Variants in PCDH9 observed in about 807,000 individuals in gnomAD.
The protein encoded by PCDH9 is protocadherin-9.
Under a neutral mutation model 70.6 loss-of-function variants are expected in PCDH9, and 24 were observed. The ratio of observed to expected loss-of-function variants is 0.34; its 90% CI spans 0.25 to 0.48. The LOEUF (loss-of-function observed/expected upper bound fraction) is 0.48. Ranked by LOEUF, PCDH9 falls within the 20% of genes least tolerant of loss-of-function variation. The probability of loss-of-function intolerance (pLI) is 0.99; values close to 1 mark genes in which losing one functional copy is unlikely to be tolerated. For synonymous variants in PCDH9, 562 were observed against 558.5 expected, an observed-to-expected ratio of 1.01 and a Z score of -0.09; for missense variants, 1,281 against 1,503.6, an observed-to-expected ratio of 0.85 and a Z score of 2.45.
intron 4 of PCDH9, among the ~76,000 whole-genome samples, chr13:66,545,147 T>C (rs1041454454): frequency 1.3e-5 from 2 of 152,220 alleles, no homozygotes; most frequent in Admixed American, 6.5e-5. Context: ...TTTAATTTCC[T>C]TTATTTGATT....
At chr13:66,736,360 C>T (rs530248826) in intron 3 of PCDH9, among the ~76,000 whole-genome samples, 1 of 152,198 alleles carries the variant, frequency 6.6e-6, no homozygotes, top group South Asian at 2.1e-4. Context: ...CAAAGGGACA[C>T]CAGGTATGCA....
intron 2 of PCDH9, chr13:67,214,645 A>T (rs2089548330): frequency 6.6e-6 from 1 of 152,230 alleles, no homozygotes; most frequent in Middle Eastern, 3.4e-3. Context: ...AGGGATTAAG[A>T]TAAAAAACAA....
intron 3 of PCDH9, among the ~76,000 whole-genome samples, chr13:66,732,924 T>C (rs9540882): frequency 0.6 from 91,500 of 151,798 alleles, 28,651 homozygotes; most frequent in Non-Finnish European, 0.71. Context: ...AGCTTGGACA[T>C]ATATACACAC....
intron 2 of PCDH9, among the ~76,000 whole-genome samples, chr13:67,151,568 T>C (rs2087662369): frequency 6.6e-6 from 1 of 152,104 alleles, no homozygotes; most frequent in Non-Finnish European, 1.5e-5. Flanking sequence ...CATTCCCAAA[T>C]CCAACACTGT....
At chr13:67,176,669 T>G (rs975452810) in intron 2 of PCDH9, among the ~76,000 whole-genome samples, 2 of 151,998 alleles carry the variant, frequency 1.3e-5, no homozygotes, top group East Asian at 3.9e-4. Context: ...TAATAGAACA[T>G]CAAGTAAGAA....
intron 3 of PCDH9, among the ~76,000 whole-genome samples, chr13:66,780,098 G>A (rs1483248221): frequency 6.6e-6 from 1 of 151,660 alleles, no homozygotes; most frequent in African/African-American, 2.4e-5. Flanking sequence ...TTATGTTTTA[G>A]CTGCTCTAGG....
chr13:66,989,819 C>T (rs1353124694), intron 2 of PCDH9, among the ~76,000 whole-genome samples: 4 of 151,724 alleles, frequency 2.6e-5, no homozygotes, highest in African/African-American at 7.2e-5. Flanking sequence ...ATTAGCAAAA[C>T]GGGAACATAA....
intron 4 of PCDH9, among the ~76,000 whole-genome samples, chr13:66,441,518 G>T (rs1340681444): frequency 6.6e-6 from 1 of 152,042 alleles, no homozygotes; most frequent in African/African-American, 2.4e-5. Flanking sequence ...TAACAGAATT[G>T]ATTTTTCTTA....
chr13:66,852,169 G>T (rs2081325031), intron 3 of PCDH9, among the ~76,000 whole-genome samples: 1 of 151,954 alleles, frequency 6.6e-6, no homozygotes, highest in African/African-American at 2.4e-5. Flanking sequence ...GTAATAGTAG[G>T]CCTTAATCCT....
At chr13:66,858,185 T>C (rs1373256364) in intron 3 of PCDH9, among the ~76,000 whole-genome samples, 1 of 152,198 alleles carries the variant, frequency 6.6e-6, no homozygotes, top group African/African-American at 2.4e-5. Flanking sequence ...TCTCTTTTGA[T>C]TCCTAGAGAT....
At chr13:66,882,663 TACTC>T (rs1247482635) in intron 3 of PCDH9, among the ~76,000 whole-genome samples, 2 of 152,178 alleles carry the variant, frequency 1.3e-5, no homozygotes, top group African/African-American at 2.4e-5. Context: ...CATCAAAACA[TACTC>T]ACAAAGCAGC....
intron 4 of PCDH9, among the ~76,000 whole-genome samples, chr13:66,451,734 A>G (rs1192708290): frequency 1.3e-5 from 2 of 152,344 alleles, no homozygotes; most frequent in East Asian, 1.9e-4. Context: ...CTATCTAGCT[A>G]TCTGGCAAAG....
rs763243901 is a variant in PCDH9 at position 66,402,552 on chromosome 13, G to A, written c.3341-97524C>T. 1.5e-3 allele frequency among the ~76,000 whole-genome samples: 222 copies of A among 152,136 alleles called. 1 individual carries two copies. The highest frequency in any genetic ancestry group is 2.8e-3 in the Non-Finnish European group (191 of 67,984). On this transcript the variant is annotated intron_variant, in intron 4 of 4. Transcript: ENST00000377865. Reference sequence around the variant, plus strand: ...AAGTCATAATGATCACAATCTGATTGTTGATTGGCCTGAATCTTTGATTTA... The same window carrying A: ...AAGTCATAATGATCACAATCTGATTATTGATTGGCCTGAATCTTTGATTTA...
intron 3 of PCDH9, among the ~76,000 whole-genome samples, chr13:66,697,769 T>C (rs2078583870): frequency 6.6e-6 from 1 of 152,208 alleles, no homozygotes; most frequent in African/African-American, 2.4e-5. Context: ...CAATTCCACC[T>C]CTGGGTATTT....
intron 4 of PCDH9, among the ~76,000 whole-genome samples, chr13:66,391,475 A>C (rs1040145818): frequency 6.6e-6 from 1 of 152,184 alleles, no homozygotes; most frequent in Non-Finnish European, 1.5e-5. Context: ...AAGTGTATCA[A>C]ATAGAGCCTT....
chr13:67,072,716 T>C (rs1001838309), intron 2 of PCDH9, among the ~76,000 whole-genome samples: 13 of 83,598 alleles, frequency 1.6e-4, no homozygotes, highest in African/African-American at 5.8e-4. Context: ...AGGAATTTTT[T>C]ATGTAATATA....
chr13:66,317,739 GA>G (rs200330247), intron 4 of PCDH9, among the ~76,000 whole-genome samples: 39 of 150,026 alleles, frequency 2.6e-4, no homozygotes, highest in African/African-American at 8.0e-4. Flanking sequence ...GGATATTTAA[GA>G]AAAAAAAAGA....
intron 3 of PCDH9, among the ~76,000 whole-genome samples, chr13:66,730,876 G>GTGTTTTTTTTTTTTT (rs1555262846): frequency 6.5e-5 from 3 of 46,354 alleles, no homozygotes; most frequent in African/African-American, 2.3e-4. Context: ...GTGTGTGTGT[G>GTGTTTTTTTTTTTTT]TTTTTTTTTT....
chr13:66,794,194 T>A (rs2080204222), intron 3 of PCDH9, among the ~76,000 whole-genome samples: 1 of 152,014 alleles, frequency 6.6e-6, no homozygotes, highest in African/African-American at 2.4e-5. Flanking sequence ...ACTGTAATGT[T>A]AATTTACTAT....
Sources: allele counts gnomAD v4.1 joint callset (sites outside exome capture counted in the v4.1 genomes callset), GRCh38; gene constraint gnomAD v4.1.1; transcripts MANE v1.5; gene names NCBI Gene and HGNC (gene_info 2026-07-23, HGNC 2026-07-21).